Variants in ARL15 observed in about 807,000 individuals in gnomAD.
The protein encoded by ARL15 is ARF like GTPase 15.
Under a neutral mutation model 25.2 loss-of-function variants are expected in ARL15, and 19 were observed. The ratio of observed to expected loss-of-function variants is 0.75; its 90% CI spans 0.53 to 1.10. The LOEUF (loss-of-function observed/expected upper bound fraction) is 1.10, where lower values mean the gene tolerates loss of function less well. Among genes scored for constraint, ARL15 ranks in the 50% least tolerant of loss-of-function variants. The probability of loss-of-function intolerance (pLI) is 0.00; values close to 1 mark genes in which losing one functional copy is unlikely to be tolerated. For missense variants in ARL15, 220 were observed against 246.0 expected, an observed-to-expected ratio of 0.89 and a Z score of 0.71; for synonymous variants, 94 against 86.8, an observed-to-expected ratio of 1.08 and a Z score of -0.46.
chr5:54,302,148 C>T (rs1758630854), intron 1 of ARL15, among the ~76,000 whole-genome samples: 1 of 152,222 alleles, frequency 6.6e-6, no homozygotes, highest in Non-Finnish European at 1.5e-5. Flanking sequence ...GGGCCTCTCA[C>T]AGGCAACCAG....
chr5:54,146,273 A>G (rs892552609), intron 3 of ARL15, among the ~76,000 whole-genome samples: 1 of 152,210 alleles, frequency 6.6e-6, no homozygotes, highest in Admixed American at 6.5e-5. Context: ...ACAATGCTAC[A>G]TAATCCTGTA....
At chr5:54,049,245 G>A (rs1750632827) in intron 4 of ARL15, among the ~76,000 whole-genome samples, 1 of 151,834 alleles carries the variant, frequency 6.6e-6, no homozygotes, top group Non-Finnish European at 1.5e-5. Context: ...CTTATTTTTT[G>A]TTTTAAAGAC....
At chr5:54,219,343 T>C (rs913377612) in intron 1 of ARL15, among the ~76,000 whole-genome samples, 1 of 152,116 alleles carries the variant, frequency 6.6e-6, no homozygotes, top group Non-Finnish European at 1.5e-5. Flanking sequence ...AAAGCAGCCA[T>C]ATATAGAAGA....
chr5:54,238,546 A>G (rs1756868909), intron 1 of ARL15, among the ~76,000 whole-genome samples: 1 of 152,192 alleles, frequency 6.6e-6, no homozygotes, highest in South Asian at 2.1e-4. Context: ...TTTTAGGAAC[A>G]TAGAGCACTA....
At chr5:54,022,102 A>G (rs144227224) in intron 4 of ARL15, among the ~76,000 whole-genome samples, 1 of 152,298 alleles carries the variant, frequency 6.6e-6, no homozygotes, top group East Asian at 1.9e-4. Flanking sequence ...AAACTCAGAG[A>G]ATTTGTCACT....
At chr5:54,239,794 G>A (rs1259172494) in intron 1 of ARL15, among the ~76,000 whole-genome samples, 1 of 152,138 alleles carries the variant, frequency 6.6e-6, no homozygotes, top group African/African-American at 2.4e-5. Context: ...GTGAAGCAAC[G>A]AGATGGGAGG....
rs142102556 is a variant in ARL15, at chr5:54,059,689, T to C, written c.462+53513A>G. On this transcript the variant is annotated intron_variant, in intron 4 of 4. Transcript: ENST00000504924. ...CAGGATGATTAAAGGACACTTTGCTTGATAGTAATGTACAACCTACTTTTG... is the reference window on the plus strand; with the variant it reads ...CAGGATGATTAAAGGACACTTTGCTCGATAGTAATGTACAACCTACTTTTG... 5.0e-4 allele frequency among the ~76,000 whole-genome samples: 76 copies of C among 152,316 alleles called. No homozygotes were observed. In the East Asian group the frequency reaches 7.9e-3, roughly 16 times the overall value.
intron 4 of ARL15, among the ~76,000 whole-genome samples, chr5:54,112,605 T>C (rs1752774130): frequency 6.6e-6 from 1 of 152,214 alleles, no homozygotes; most frequent in Non-Finnish European, 1.5e-5. Context: ...CTCTATTGGC[T>C]GAGACTCTAT....
At chr5:53,887,473 G>A (rs1744569399) in intron 4 of ARL15, 2 of 671,550 alleles carry the variant, frequency 3.0e-6, no homozygotes, top group South Asian at 3.2e-5. Flanking sequence ...TTACTATATT[G>A]GCCAGCATAC....
At position 54,241,366 on chromosome 5, in the gene ARL15, A is replaced by G. The variant is rs6866764; in HGVS notation, c.48+69066T>C. Among the ~76,000 whole-genome samples, 996 of 152,174 alleles carry G rather than the reference A, an allele frequency of 6.5e-3. 10 individuals are homozygous for G. Among genetic ancestry groups the G allele is most frequent in the African/African-American group, 0.022 (931 of 41,550 alleles). ...TAAAAATATCACCCTGTATGTCATTATTATTCAGAATCATAAGGAAATAAA... is the reference window on the plus strand; with the variant it reads ...TAAAAATATCACCCTGTATGTCATTGTTATTCAGAATCATAAGGAAATAAA... On this transcript the variant is annotated intron_variant, in intron 1 of 4. Coordinates refer to ENST00000504924, the MANE Select transcript of ARL15 (RefSeq NM_019087.3).
At chr5:54,092,881 C>T (rs1009686178) in intron 4 of ARL15, among the ~76,000 whole-genome samples, 2 of 152,176 alleles carry the variant, frequency 1.3e-5, no homozygotes, top group African/African-American at 2.4e-5. Flanking sequence ...CAAATTATAT[C>T]ATTTTAACTT....
chr5:53,911,534 ACCTTTAACCTTTTTTTC>A (rs1745464297), intron 4 of ARL15, among the ~76,000 whole-genome samples: 1 of 152,056 alleles, frequency 6.6e-6, no homozygotes, highest in East Asian at 1.9e-4. Context: ...TCTCCAAAGT[ACCTTTAACCTTTTTTTC>A]AATAGGCTTT....
At chr5:54,237,695 C>G (rs565692449) in intron 1 of ARL15, among the ~76,000 whole-genome samples, 16 of 152,132 alleles carry the variant, frequency 1.1e-4, no homozygotes, top group African/African-American at 3.9e-4. Flanking sequence ...AGACTGTTAC[C>G]ACCTGAGGGC....
Position 54,113,356 on chromosome 5 carries a change from A to G in ARL15, c.308T>C (p.Val103Ala). ...AGAGGCACTGTCTAATACAAATATTACCCCTTGAGATCCTTGGTAGTAGCG... is the reference window on the plus strand; with the variant it reads ...AGAGGCACTGTCTAATACAAATATTGCCCCTTGAGATCCTTGGTAGTAGCG... ...WSRYYQGSQG[V>A]IFVLDSASSE... The change falls in exon 4 of 5, where the codon GTA (valine) becomes GCA (alanine). Residue 103 changes from valine (V) to alanine (A), a missense_variant. Coordinates refer to ENST00000504924, the MANE Select transcript of ARL15 (RefSeq NM_019087.3). 1 of 1,613,952 alleles carries G rather than the reference A, an allele frequency of 6.2e-7. No individual in the cohort carries two copies.
At chr5:53,943,841 T>C (rs960199237) in intron 4 of ARL15, among the ~76,000 whole-genome samples, 2 of 152,152 alleles carry the variant, frequency 1.3e-5, no homozygotes, top group Non-Finnish European at 2.9e-5. Context: ...CTCAAAAGCT[T>C]CTATGAATGA....
chr5:54,163,807 T>G (rs1754491906), intron 2 of ARL15, among the ~76,000 whole-genome samples: 1 of 152,014 alleles, frequency 6.6e-6, no homozygotes, highest in Non-Finnish European at 1.5e-5. Context: ...TTCTGATCAG[T>G]TTGGCTAGAG....
intron 1 of ARL15, among the ~76,000 whole-genome samples, chr5:54,214,267 A>C (rs1756122666): frequency 6.6e-6 from 1 of 152,220 alleles, no homozygotes; most frequent in Non-Finnish European, 1.5e-5. Context: ...TGGAGTAGAT[A>C]AGAGATATCT....
intron 4 of ARL15, among the ~76,000 whole-genome samples, chr5:53,897,668 G>A (rs1464271035): frequency 1.3e-5 from 2 of 152,120 alleles, no homozygotes; most frequent in African/African-American, 4.8e-5. Context: ...TAACATGACT[G>A]TATGATTTTT....
intron 1 of ARL15, among the ~76,000 whole-genome samples, chr5:54,309,704 G>A (rs995530009): frequency 1.4e-4 from 22 of 152,332 alleles, no homozygotes; most frequent in African/African-American, 5.3e-4. Flanking sequence ...AAGACACATA[G>A]AAGTCCATTT....
Sources: gnomAD v4.1 joint callset for allele counts (sites outside exome capture counted in the v4.1 genomes callset) on GRCh38, gnomAD v4.1.1 for gene constraint, MANE v1.5 for transcripts, NCBI Gene and HGNC (gene_info 2026-07-23, HGNC 2026-07-21) for gene names.